TPST1: variants seen among roughly 807,000 people sequenced by gnomAD.
TPST1 encodes protein-tyrosine sulfotransferase 1.
In TPST1, 20 loss-of-function variants were observed where a neutral mutation model predicts 34.8. The observed-to-expected ratio is 0.57, with a 90% CI of 0.40 to 0.84. The LOEUF is 0.84. Ranked by LOEUF, TPST1 falls within the 40% of genes least tolerant of loss-of-function variation. The pLI, the probability that TPST1 is intolerant of heterozygous loss-of-function variation, is 0.00. For synonymous variants in TPST1, 152 were observed against 159.4 expected, an observed-to-expected ratio of 0.95 and a Z score of 0.35; for missense variants, 353 against 455.5, an observed-to-expected ratio of 0.78 and a Z score of 2.05.
At chr7:66,246,670 A>G (rs1790156607) in intron 2 of TPST1, among the ~76,000 whole-genome samples, 1 of 152,218 alleles carries the variant, frequency 6.6e-6, no homozygotes, top group South Asian at 2.1e-4. Context: ...AATGACTACT[A>G]TGTAGAAGGC....
intron 5 of TPST1, 116 bp downstream of exon 5, chr7:66,356,987 C>T (rs1792594909): frequency 1.1e-6 from 1 of 930,436 alleles, no homozygotes. Flanking sequence ...GGTTGGAATC[C>T]TGCCTCTTCA....
At position 66,205,784 on chromosome 7, in the gene TPST1, C is replaced by G. The variant is rs911167298; in HGVS notation, c.-102+262C>G. On this transcript the variant is annotated intron_variant, in intron 1 of 5. Transcript: ENST00000304842. This position sits in a 1 kb window ranked among gnomAD's most constrained non-coding sequence, Gnocchi z 5.0. The stretch of plus-strand genomic sequence containing the variant: ...CCTCTCCCCTCTGCCCTTTCTCTCC[C>G]TTCTCGCAGCCCTGGGACCACGTCC... 1 of 152,414 alleles carries G rather than the reference C, an allele frequency of 6.6e-6. No homozygotes were observed. The highest frequency in any genetic ancestry group is 1.5e-5 in the Non-Finnish European group (1 of 68,300). The allele number at this position is 152,414 out of a possible 1,614,324, so 9.4% of individuals were successfully genotyped here.
chr7:66,218,804 A>G (rs1309261813), intron 1 of TPST1, among the ~76,000 whole-genome samples: 2 of 151,452 alleles, frequency 1.3e-5, no homozygotes, highest in Non-Finnish European at 1.5e-5. Flanking sequence ...CTGCGATTGC[A>G]CCACTGCACT....
At chr7:66,247,310 C>T (rs1490566246) in intron 2 of TPST1, among the ~76,000 whole-genome samples, 1 of 152,118 alleles carries the variant, frequency 6.6e-6, no homozygotes, top group Non-Finnish European at 1.5e-5. Context: ...TGCCTGTAAA[C>T]CCAGCTACTC....
chr7:66,341,285 T>G (rs1792231798), intron 3 of TPST1, among the ~76,000 whole-genome samples: 1 of 152,058 alleles, frequency 6.6e-6, no homozygotes, highest in African/African-American at 2.4e-5. Flanking sequence ...CACCTACAAA[T>G]TTTTGTTTTT....
At chr7:66,295,833 G>T (rs1791181618) in intron 3 of TPST1, among the ~76,000 whole-genome samples, 1 of 152,010 alleles carries the variant, frequency 6.6e-6, no homozygotes, top group Admixed American at 6.6e-5. Flanking sequence ...TAAAGTTAGG[G>T]TTTCGTTGTG....
intron 3 of TPST1, among the ~76,000 whole-genome samples, chr7:66,336,129 T>C (rs1792114621): frequency 6.6e-6 from 1 of 152,108 alleles, no homozygotes; most frequent in South Asian, 2.1e-4. Context: ...GCTAACATGG[T>C]GAAACCCCAT....
intron 1 of TPST1, among the ~76,000 whole-genome samples, chr7:66,226,134 G>A (rs923334312): frequency 1.6e-4 from 25 of 151,996 alleles, no homozygotes; most frequent in East Asian, 1.9e-4. Context: ...TGATCCGCCC[G>A]CCTCAGCCTC....
At position 66,332,270 on chromosome 7, in the gene TPST1, CTTT is replaced by C. The variant is rs754222451; in HGVS notation, c.1045-20223_1045-20221del. 7.0e-6 allele frequency among the ~76,000 whole-genome samples: 1 copy of C among 142,820 alleles called. No individual in the cohort carries two copies. Among genetic ancestry groups the C allele is most frequent in the African/African-American group, 2.5e-5 (1 of 39,232 alleles). The allele number at this position is 142,820 out of a possible 152,430, so 93.7% of individuals were successfully genotyped here. A position where few individuals can be genotyped will look rare whatever the true frequency, so the allele number is the denominator to read the frequency against. ...GTTGCACTGAGACTTTTGTTTACAT[CTTT>C]TTTTTTTTTTTGAGATGAGAGTCTC... On this transcript the variant is annotated intron_variant, in intron 3 of 5. Transcript: ENST00000304842. This position sits in a 1 kb window ranked among gnomAD's most constrained non-coding sequence, Gnocchi z 4.5.
At chr7:66,265,549 CAA>C (rs61289876) in intron 2 of TPST1, among the ~76,000 whole-genome samples, 284 of 129,082 alleles carry the variant, frequency 2.2e-3, no homozygotes, top group Non-Finnish European at 2.7e-3. Context: ...AACCCTGTCT[CAA>C]AAAAAAAAAA....
chr7:66,276,295 T>C (rs1790809124), intron 2 of TPST1, among the ~76,000 whole-genome samples: 1 of 148,744 alleles, frequency 6.7e-6, no homozygotes, highest in African/African-American at 2.5e-5. Flanking sequence ...ATTAAAGACT[T>C]TTTTTGCCTG....
At chr7:66,296,532 G>T (rs182924983) in intron 3 of TPST1, among the ~76,000 whole-genome samples, 6 of 151,998 alleles carry the variant, frequency 3.9e-5, no homozygotes, top group African/African-American at 1.4e-4. Context: ...ATTGTTGACC[G>T]TTAGCTATGA....
intron 3 of TPST1, among the ~76,000 whole-genome samples, chr7:66,321,547 G>T (rs549996901): frequency 3.3e-5 from 5 of 152,196 alleles, no homozygotes; most frequent in Non-Finnish European, 5.9e-5. Context: ...CTGAAAACAG[G>T]CCTGTCTTGG....
intron 1 of TPST1, among the ~76,000 whole-genome samples, chr7:66,219,187 T>A (rs1300205173): frequency 6.6e-6 from 1 of 151,848 alleles, no homozygotes; most frequent in African/African-American, 2.4e-5. Context: ...CATGAGCCAC[T>A]GCACCTGGCC....
chr7:66,312,308 C>T (rs1791547269), intron 3 of TPST1, among the ~76,000 whole-genome samples: 1 of 152,068 alleles, frequency 6.6e-6, no homozygotes, highest in Non-Finnish European at 1.5e-5. Context: ...TACAGTTTTC[C>T]TTGGAATTTT....
At chr7:66,320,436 G>A (rs1394394920) in intron 3 of TPST1, among the ~76,000 whole-genome samples, 19 of 150,642 alleles carry the variant, frequency 1.3e-4, no homozygotes, top group Non-Finnish European at 2.4e-4. Flanking sequence ...TTTAGTAGAG[G>A]CGGGGTTTCA....
At chr7:66,203,590 A>G (rs941082224), upstream of TPST1, among the ~76,000 whole-genome samples, 5 of 149,522 alleles carry the variant, frequency 3.3e-5, no homozygotes, top group African/African-American at 1.2e-4. Context: ...GGTTCACGCC[A>G]TTCTCCTGCC....
intron 2 of TPST1, among the ~76,000 whole-genome samples, chr7:66,250,636 C>T (rs1790243366): frequency 6.6e-6 from 1 of 152,120 alleles, no homozygotes; most frequent in Non-Finnish European, 1.5e-5. Flanking sequence ...TGCCCGAAAC[C>T]CCACTGATGG....
At chr7:66,342,107 T>C (rs1401578260) in intron 3 of TPST1, among the ~76,000 whole-genome samples, 1 of 152,076 alleles carries the variant, frequency 6.6e-6, no homozygotes, top group Admixed American at 6.5e-5. Context: ...AATGACAATA[T>C]AAGAGTAGAT....
Sources: allele counts gnomAD v4.1 joint callset (sites outside exome capture counted in the v4.1 genomes callset), GRCh38; gene constraint gnomAD v4.1.1; non-coding constraint Gnocchi (gnomAD v3.1); transcripts MANE v1.5; gene names NCBI Gene and HGNC (gene_info 2026-07-23, HGNC 2026-07-21).